SI: variants seen among roughly 807,000 people sequenced by gnomAD.
SI encodes the protein sucrase-isomaltase.
A neutral mutation model predicts 253.3 loss-of-function variants in SI; 235 were observed. That is an observed-to-expected ratio of 0.93 (90% CI 0.83 to 1.03). The LOEUF is 1.03. Ranked by LOEUF, SI falls within the 50% of genes least tolerant of loss-of-function variation. The pLI is 0.00. For synonymous variants in SI, 819 were observed against 712.0 expected (o/e 1.15, Z -2.39); for missense variants, 2,442 against 2,211.1 (o/e 1.10, Z -2.09).
At chr3:165,058,066 A>AAC (rs1198857295) in intron 12 of SI, among the ~76,000 whole-genome samples, 4 of 151,734 alleles carry the variant, frequency 2.6e-5, no homozygotes, top group African/African-American at 9.7e-5. Context: ...TTTTTTAAAA[A>AAC]ATTGAAATCA....
intron 19 of SI, among the ~76,000 whole-genome samples, chr3:165,039,357 G>A (rs907197010): frequency 2.0e-5 from 3 of 151,960 alleles, no homozygotes; most frequent in African/African-American, 7.2e-5. Flanking sequence ...AATTTAGATA[G>A]CAATTAAAAT....
In SI at chr3:165,064,788, T is replaced by C. The variant is rs1163550382; in HGVS notation, c.807+473A>G. Among the ~76,000 whole-genome samples, 4 of 152,014 alleles carry C rather than the reference T, an allele frequency of 2.6e-5. No individual in the cohort carries two copies. The South Asian group carries it at 8.3e-4, about 31-fold the overall frequency. On this transcript the variant is annotated intron_variant, in intron 7 of 47. Coordinates refer to ENST00000264382, the MANE Select transcript of SI (RefSeq NM_001041.4). Reference sequence around the variant, plus strand: ...ATAAAGAACATTAAGTTTCAGTAGTTACCAAAAAAACAAACTGTGCAAAGA... The same window carrying C: ...ATAAAGAACATTAAGTTTCAGTAGTCACCAAAAAAACAAACTGTGCAAAGA...
Position 164,982,304 on chromosome 3 carries a change from A to G in SI, c.5354T>C (p.Val1785Ala), listed in dbSNP as rs370958579. 3.7e-5 allele frequency: 59 copies of G among 1,613,210 alleles called. No individual in the cohort carries two copies. The highest frequency in any genetic ancestry group is 5.0e-5 in the Non-Finnish European group (59 of 1,179,516). ...WGKGTTPVNA[V>A]TLTYNGNKNS... Reference sequence around the variant, plus strand: ...TTTATTTCCGTTATACGTTAGAGTAACTGCATTGACAGGAGTAGTTCCTTT... The same window carrying G: ...TTTATTTCCGTTATACGTTAGAGTAGCTGCATTGACAGGAGTAGTTCCTTT... Residue 1785 changes from valine (V) to alanine (A), a missense_variant, in exon 47 of 48, where the codon GTT becomes GCT. Coordinates refer to ENST00000264382, the MANE Select transcript of SI (RefSeq NM_001041.4).
At chr3:164,984,472 T>C (rs1717345987) in intron 45 of SI, among the ~76,000 whole-genome samples, 1 of 152,058 alleles carries the variant, frequency 6.6e-6, no homozygotes, top group Non-Finnish European at 1.5e-5. Flanking sequence ...CAACTTAAGT[T>C]TTCATGAACA....
At chr3:165,025,827 C>T (rs1711883961) in intron 25 of SI, among the ~76,000 whole-genome samples, 1 of 151,370 alleles carries the variant, frequency 6.6e-6, no homozygotes, top group South Asian at 2.1e-4. Context: ...ACTACAGAAA[C>T]TGCTAAAAGG....
rs1711594762 is a variant in SI, at chr3:165,021,259, TG to T, written c.3223del (p.Gln1075ArgfsTer52). 6.2e-7 allele frequency: 1 copy of T among 1,611,218 alleles called. No homozygotes were observed. The highest frequency in any genetic ancestry group is 8.5e-7 in the Non-Finnish European group (1 of 1,178,074). On this transcript the variant is annotated frameshift_variant, in exon 27 of 48. Transcript: ENST00000264382. LOFTEE classifies it high-confidence loss of function. The stretch of plus-strand genomic sequence containing the variant: ...TCTTCCACTGCTTCTCCGTCGAATC[TG>T]GATGCCAAAAGGATTTTCCTTGATT... ...VEIKENPFGIQIRRRSSGRVI... is the reference protein window; with the variant it reads ...VEIKENPFGIXIRRRSSGRVI...
At chr3:164,992,757 G>T (rs1432404369) in intron 41 of SI, among the ~76,000 whole-genome samples, 1 of 151,708 alleles carries the variant, frequency 6.6e-6, no homozygotes, top group Non-Finnish European at 1.5e-5. Context: ...AACACTGGAA[G>T]AAAATTGTGA....
rs1410721381 is a variant in SI, at chr3:164,979,384, G to T, written c.5462C>A (p.Pro1821Gln). The change falls in exon 48 of 48, where the codon CCA becomes CAA. Residue 1821 changes from proline to glutamine, a missense_variant. By Grantham distance (76) the Pro-to-Gln change is moderately conservative (BLOSUM62 -1). Coordinates refer to ENST00000264382, the MANE Select transcript of SI (RefSeq NM_001041.4). ...LTTHNVTLEE[P>Q]IEINWS ...TCTTCATGACCAGTTGATTTCTATT[G>T]GTTCTTCTAGAGTAACATTGTGTGT... The T allele has an allele frequency of 1.3e-6, 2 of 1,588,140 alleles. No individual in the cohort carries two copies. The highest frequency in any genetic ancestry group is 1.7e-6 in the Non-Finnish European group (2 of 1,158,092).
At position 165,041,081 on chromosome 3, in the gene SI, G is replaced by T. The variant is rs761372783; in HGVS notation, c.2018C>A (p.Ala673Glu). ...CAAAAGTGAATTCTGCCCAAAAAATGCAGGATCCTGATGCTGTGAGATAGA... is the reference window on the plus strand; with the variant it reads ...CAAAAGTGAATTCTGCCCAAAAAATTCAGGATCCTGATGCTGTGAGATAGA... The part of the protein sequence containing the change: ...NSDGYEHQDP[A>E]FFGQNSLLVK... The change falls in exon 18 of 48, where the codon GCA (alanine) becomes GAA (glutamate). Residue 673 changes from alanine (A) to glutamate (E), a missense_variant. Coordinates refer to ENST00000264382, the MANE Select transcript of SI (RefSeq NM_001041.4). The T allele has an allele frequency of 1.2e-6, 2 of 1,612,588 alleles. No homozygotes were observed. Among genetic ancestry groups the T allele is most frequent in the Non-Finnish European group, 1.7e-6 (2 of 1,179,068 alleles).
At chr3:165,079,071 G>T (rs992305550), upstream of SI, among the ~76,000 whole-genome samples, 13 of 151,490 alleles carry the variant, frequency 8.6e-5, no homozygotes, top group Non-Finnish European at 1.3e-4. Flanking sequence ...ATTTACCACA[G>T]ATAGCACTCA....
At chr3:165,006,729 G>T in intron 37 of SI, 87 bp downstream of exon 37, 2 of 1,157,030 alleles carry the variant, frequency 1.7e-6, no homozygotes, top group East Asian at 2.4e-5. Context: ...TACAAGAGAA[G>T]ATTGTCGGGA....
intron 37 of SI, among the ~76,000 whole-genome samples, chr3:165,003,238 T>G (rs1576878995): frequency 6.6e-6 from 1 of 150,516 alleles, no homozygotes; most frequent in Non-Finnish European, 1.5e-5. Context: ...GGAGAGGAAT[T>G]TTTTTTTCAA....
the SI span, among the ~76,000 whole-genome samples, chr3:165,084,057 T>C: frequency 2.0e-5 from 3 of 151,988 alleles, no homozygotes; most frequent in Admixed American, 2.0e-4. Flanking sequence ...AAGATGATGC[T>C]ATTAGGAATT....
In SI at chr3:164,991,404, C is replaced by T. The variant is rs191598487; in HGVS notation, c.5057G>A (p.Arg1686His). 52 of 1,613,484 alleles carry T rather than the reference C, an allele frequency of 3.2e-5. No homozygotes were observed. The highest frequency in any genetic ancestry group is 1.7e-4 in the Middle Eastern group (1 of 6,058). ...ASYDTINLHV[R>H]GGHILPCQEP... is the part of the protein sequence containing the mutation. ...TTGACATGGTAGGATGTGACCACCA[C>T]GGACATGTAGGTTTATTGTGTCATA... The change falls in exon 44 of 48, where the codon CGT (arginine) becomes CAT (histidine). Residue 1686 changes from arginine (R) to histidine (H), a missense_variant. Transcript: ENST00000264382.
At chr3:164,993,740 G>T (rs1042092423) in intron 41 of SI, among the ~76,000 whole-genome samples, 34 of 151,502 alleles carry the variant, frequency 2.2e-4, no homozygotes, top group African/African-American at 7.5e-4. Flanking sequence ...TTTAAGATTT[G>T]GTCATATAAA....
At chr3:165,025,330 C>G (rs764086627) in intron 25 of SI, among the ~76,000 whole-genome samples, 3 of 151,072 alleles carry the variant, frequency 2.0e-5, no homozygotes, top group African/African-American at 4.8e-5. Context: ...ATGAACACAG[C>G]CTGCAAGAAG....
At chr3:165,019,103 C>T (rs1719180628) in intron 28 of SI, among the ~76,000 whole-genome samples, 1 of 151,428 alleles carries the variant, frequency 6.6e-6, no homozygotes, top group Non-Finnish European at 1.5e-5. Context: ...ATTAACGAGA[C>T]AAATCTTTGG....
chr3:164,986,491 C>G (rs1717443427), intron 45 of SI, among the ~76,000 whole-genome samples: 2 of 152,140 alleles, frequency 1.3e-5, no homozygotes, highest in Non-Finnish European at 2.9e-5. Flanking sequence ...ACTAGATTTC[C>G]TCACTCAATC....
chr3:165,005,970 C>T (rs1326982162), intron 37 of SI, among the ~76,000 whole-genome samples: 1 of 152,096 alleles, frequency 6.6e-6, no homozygotes, highest in Admixed American at 6.5e-5. Context: ...AATTGATTTT[C>T]AGTGAATGGT....
Sources: allele counts gnomAD v4.1 joint callset (sites outside exome capture counted in the v4.1 genomes callset), GRCh38; gene constraint gnomAD v4.1.1; transcripts MANE v1.5; gene names NCBI Gene and HGNC (gene_info 2026-07-23, HGNC 2026-07-21).